Variants in RAP1GDS1 observed in about 807,000 individuals in gnomAD.
The protein encoded by RAP1GDS1 is Rap1 GTPase-GDP dissociation stimulator 1.
Under a neutral mutation model 71.1 loss-of-function variants are expected in RAP1GDS1, and 35 were observed. The ratio of observed to expected loss-of-function variants is 0.49; its 90% confidence interval spans 0.38 to 0.65. The LOEUF is 0.65. RAP1GDS1 is among the 30% of genes least tolerant of loss of function. The probability of loss-of-function intolerance (pLI) is 0.00; values close to 1 mark genes in which losing one functional copy is unlikely to be tolerated. For missense variants in RAP1GDS1, 663 were observed against 706.1 expected (o/e 0.94, Z 0.69); for synonymous variants, 229 against 243.1 (o/e 0.94, Z 0.54).
At chr4:98,345,838 TATG>T (rs2110404217) in intron 3 of RAP1GDS1, among the ~76,000 whole-genome samples, 1 of 152,314 alleles carries the variant, frequency 6.6e-6, no homozygotes, top group South Asian at 2.1e-4. Flanking sequence ...AATGAGAATT[TATG>T]ATGGCAGTGG....
intron 2 of RAP1GDS1, among the ~76,000 whole-genome samples, chr4:98,330,308 A>G (rs573935108): frequency 2.0e-5 from 3 of 152,340 alleles, no homozygotes; most frequent in African/African-American, 4.8e-5. Flanking sequence ...TATCGTCATC[A>G]TGGCCCGTTC....
At chr4:98,296,983 C>A in intron 2 of RAP1GDS1, 1 of 259,494 alleles carries the variant, frequency 3.9e-6, no homozygotes, top group Non-Finnish European at 7.6e-6. Flanking sequence ...AACTCTCTCC[C>A]TGAAGAAGTA....
At chr4:98,345,697 A>C (rs1390846236) in intron 3 of RAP1GDS1, among the ~76,000 whole-genome samples, 1 of 152,224 alleles carries the variant, frequency 6.6e-6, no homozygotes, top group Non-Finnish European at 1.5e-5. Context: ...TTTCAATCCC[A>C]TATGAGATAG....
chr4:98,268,122 G>T (rs896959130), intron 1 of RAP1GDS1, among the ~76,000 whole-genome samples: 3 of 152,124 alleles, frequency 2.0e-5, no homozygotes, highest in Non-Finnish European at 4.4e-5. Flanking sequence ...CATACGTCAT[G>T]ATCAAGTGGG....
rs535544860 is a variant in RAP1GDS1 at position 98,327,737 on chromosome 4, G to T, written c.113-15402G>T. 7.2e-4 allele frequency among the ~76,000 whole-genome samples: 110 copies of T among 152,284 alleles called. 1 individual carries two copies. Among genetic ancestry groups the T allele is most frequent in the Admixed American group, 2.6e-3 (40 of 15,292 alleles). On this transcript the variant is annotated intron_variant, in intron 2 of 14. Coordinates refer to ENST00000408927, the MANE Select transcript of RAP1GDS1 (RefSeq NM_001100427.2). ...CTGGTTTGGTCCCACATTGGAGAGG[G>T]TGATTGGTGACCAGGAATCAGTGTT...
intron 2 of RAP1GDS1, among the ~76,000 whole-genome samples, chr4:98,325,202 C>G (rs1171571824): frequency 1.3e-5 from 2 of 151,552 alleles, no homozygotes; most frequent in Non-Finnish European, 2.9e-5. Context: ...CAGAGAAATG[C>G]AAATCAAAAC....
intron 7 of RAP1GDS1, among the ~76,000 whole-genome samples, chr4:98,411,529 T>C (rs1158766642): frequency 6.6e-6 from 1 of 152,212 alleles, no homozygotes; most frequent in Non-Finnish European, 1.5e-5. Context: ...TCCTATTTCT[T>C]AGGGAGAAAT....
intron 6 of RAP1GDS1, among the ~76,000 whole-genome samples, chr4:98,398,227 G>GA (rs33929395): frequency 2.1e-4 from 30 of 142,966 alleles, no homozygotes; most frequent in African/African-American, 2.8e-4. Flanking sequence ...ACGAGTAAAG[G>GA]AAAAAAAAAA....
intron 1 of RAP1GDS1, 107 bp downstream of exon 1, chr4:98,261,676 C>G (rs1721991396): frequency 7.2e-7 from 1 of 1,385,854 alleles, no homozygotes; most frequent in African/African-American, 1.5e-5. Context: ...TCTCCAGTCC[C>G]CGGGTGTGAG....
chr4:98,436,830 A>T (rs981976322), intron 13 of RAP1GDS1, 110 bp from the exon 14 acceptor site: 3 of 1,049,454 alleles, frequency 2.9e-6, no homozygotes, highest in African/African-American at 3.3e-5. Flanking sequence ...ATTATTATTT[A>T]TCAGTTCCAT....
At chr4:98,349,880 T>C (rs1736903569) in intron 3 of RAP1GDS1, among the ~76,000 whole-genome samples, 1 of 152,160 alleles carries the variant, frequency 6.6e-6, no homozygotes, top group South Asian at 2.1e-4. Flanking sequence ...TAACTTTATG[T>C]CTTTAAAATT....
At chr4:98,364,196 G>A (rs1400333457) in intron 4 of RAP1GDS1, among the ~76,000 whole-genome samples, 2 of 152,090 alleles carry the variant, frequency 1.3e-5, no homozygotes, top group African/African-American at 4.8e-5. Context: ...CCTGCATTTA[G>A]CAAAATGTTG....
intron 12 of RAP1GDS1, among the ~76,000 whole-genome samples, chr4:98,430,753 A>G (rs1272150853): frequency 6.6e-6 from 1 of 152,208 alleles, no homozygotes; most frequent in African/African-American, 2.4e-5. Flanking sequence ...CCAGGTTCAA[A>G]TGTATTACAT....
At chr4:98,275,018 C>CTGTGTGTGTGTGTGTG (rs3974887) in intron 1 of RAP1GDS1, among the ~76,000 whole-genome samples, 141 of 144,914 alleles carry the variant, frequency 9.7e-4, no homozygotes, top group South Asian at 8.5e-3. Flanking sequence ...TTGTTTGCAG[C>CTGTGTGTGTGTGTGTG]TGTGTGTGTG....
intron 7 of RAP1GDS1, among the ~76,000 whole-genome samples, chr4:98,413,354 A>G (rs998713560): frequency 2.6e-5 from 4 of 151,756 alleles, no homozygotes; most frequent in East Asian, 1.9e-4. Flanking sequence ...ATATCTCCCA[A>G]TGCTATCCCT....
intron 1 of RAP1GDS1, among the ~76,000 whole-genome samples, chr4:98,272,123 T>C (rs1456988852): frequency 3.3e-5 from 5 of 152,172 alleles, no homozygotes; most frequent in Admixed American, 2.6e-4. Flanking sequence ...ATGATAAATA[T>C]TTCAGGCTTT....
intron 3 of RAP1GDS1, among the ~76,000 whole-genome samples, chr4:98,344,409 A>T (rs1205476684): frequency 6.6e-6 from 1 of 152,208 alleles, no homozygotes; most frequent in East Asian, 1.9e-4. Context: ...CATAGTATAG[A>T]TTTCCAGAAA....
chr4:98,261,722 C>A, intron 1 of RAP1GDS1, 153 bp downstream of exon 1: 1 of 1,036,530 alleles, frequency 9.6e-7, no homozygotes, highest in South Asian at 1.7e-5. Flanking sequence ...TCGGCGCACG[C>A]GGAACGCACG....
At chr4:98,402,521 T>G (rs1376735382) in intron 6 of RAP1GDS1, among the ~76,000 whole-genome samples, 2 of 152,318 alleles carry the variant, frequency 1.3e-5, no homozygotes, top group South Asian at 2.1e-4. Flanking sequence ...AAGCCGTAGT[T>G]TTTTGTGACA....
Sources: allele counts gnomAD v4.1 joint callset (sites outside exome capture counted in the v4.1 genomes callset), GRCh38; gene constraint gnomAD v4.1.1; transcripts MANE v1.5; gene names NCBI Gene and HGNC (gene_info 2026-07-23, HGNC 2026-07-21).